The following TENM3 variants were observed in gnomAD, a reference collection of about 807,000 sequenced individuals.
TENM3 encodes the protein teneurin-3.
Under a neutral mutation model 255.1 loss-of-function variants are expected in TENM3, and 63 were observed. The ratio of observed to expected loss-of-function variants is 0.25; its 90% CI spans 0.20 to 0.30. The LOEUF (loss-of-function observed/expected upper bound fraction) is 0.30. Among genes scored for constraint, TENM3 ranks in the 10% least tolerant of loss-of-function variants. TENM3 has a pLI of 1.00. For synonymous variants in TENM3, 1,306 were observed against 1,322.3 expected (o/e 0.99, Z 0.27); for missense variants, 2,929 against 3,461.1 (o/e 0.85, Z 3.86).
At chr4:182,223,561 G>A (rs1166693912) in intron 1 of TENM3, among the ~76,000 whole-genome samples, 3 of 152,082 alleles carry the variant, frequency 2.0e-5, no homozygotes, top group Non-Finnish European at 4.4e-5. Flanking sequence ...CACACCTAAT[G>A]TGACCTCATT....
chr4:182,232,198 C>T (rs1418159670), intron 1 of TENM3, among the ~76,000 whole-genome samples: 4 of 152,060 alleles, frequency 2.6e-5, no homozygotes, highest in Non-Finnish European at 5.9e-5. Flanking sequence ...TGAAAGGGCT[C>T]GGATTTCACT....
intron 11 of TENM3, among the ~76,000 whole-genome samples, chr4:182,684,229 G>A (rs190891508): frequency 5.1e-4 from 77 of 151,238 alleles, no homozygotes; most frequent in Non-Finnish European, 9.6e-4. Flanking sequence ...CAGAAGAAAG[G>A]AGAAAGCAAA....
At chr4:182,518,341 T>C (rs1387568793) in intron 3 of TENM3, among the ~76,000 whole-genome samples, 1 of 152,152 alleles carries the variant, frequency 6.6e-6, no homozygotes, top group African/African-American at 2.4e-5. Flanking sequence ...TGATGGAATA[T>C]CACTCCAGTG....
chr4:181,504,293 C>A, the TENM3 span, among the ~76,000 whole-genome samples: 1 of 152,186 alleles, frequency 6.6e-6, no homozygotes. Context: ...CCACAGCTCA[C>A]GCTTGTCTCT....
chr4:181,517,293 CT>C, the TENM3 span, among the ~76,000 whole-genome samples: 1 of 152,094 alleles, frequency 6.6e-6, no homozygotes, highest in African/African-American at 2.4e-5. Flanking sequence ...AATTTTCAGC[CT>C]CTGGAATGAT....
In TENM3 at chr4:182,792,424, C is replaced by G; in HGVS notation, c.5752C>G (p.Pro1918Ala). ...CTACTACCGCAACATATACAACCCC[C>G]CGGAAAGCAACGCCTCCATCATCAC... ...IGYYRNIYNP[P>A]ESNASIITDY... Residue 1918 changes from proline (P) to alanine (A), a missense_variant, in exon 26 of 28, where the codon CCG becomes GCG. Coordinates refer to ENST00000511685, the MANE Select transcript of TENM3 (RefSeq NM_001080477.4). This position sits in a 1 kb window ranked among gnomAD's most constrained non-coding sequence, Gnocchi z 6.3. 2 of 1,614,048 alleles carry G rather than the reference C, an allele frequency of 1.2e-6. No individual in the cohort carries two copies. Among genetic ancestry groups the G allele is most frequent in the East Asian group, 4.5e-5 (2 of 44,884 alleles).
intron 14 of TENM3, among the ~76,000 whole-genome samples, chr4:182,729,850 A>G (rs1477748008): frequency 6.6e-6 from 1 of 152,222 alleles, no homozygotes; most frequent in Non-Finnish European, 1.5e-5. Flanking sequence ...CTCAGAATTA[A>G]TTGGAAAGTC....
the TENM3 span, among the ~76,000 whole-genome samples, chr4:181,878,763 G>GCATCCATCCATC: frequency 2.6e-5 from 4 of 151,604 alleles, no homozygotes; most frequent in Non-Finnish European, 5.9e-5. Context: ...ATCCATGCGT[G>GCATCCATCCATC]CATCCATCCA....
At chr4:181,775,109 T>C in the TENM3 span, among the ~76,000 whole-genome samples, 2 of 152,098 alleles carry the variant, frequency 1.3e-5, no homozygotes, top group Admixed American at 1.3e-4. Flanking sequence ...GACTAAATAT[T>C]GTCAACTGCA....
At chr4:182,568,599 G>A (rs1315119339) in intron 3 of TENM3, among the ~76,000 whole-genome samples, 9 of 152,138 alleles carry the variant, frequency 5.9e-5, no homozygotes, top group Non-Finnish European at 8.8e-5. Context: ...TTGTTTGGCA[G>A]TTGTCTATAA....
intron 3 of TENM3, 46 bp downstream of exon 3, chr4:182,346,975 G>T (rs1460386866): frequency 4.6e-6 from 6 of 1,310,504 alleles, no homozygotes; most frequent in African/African-American, 1.7e-5. Flanking sequence ...CAGTGCTTCT[G>T]TCTGTTTTGG....
chr4:182,598,477 A>C (rs2175931), intron 3 of TENM3, among the ~76,000 whole-genome samples: 151,113 of 152,296 alleles, frequency 0.99, 74,983 homozygotes, highest in East Asian at 1. Context: ...TAAGGAAAGC[A>C]GCAGCTGCTT....
intron 12 of TENM3, among the ~76,000 whole-genome samples, chr4:182,695,905 C>T (rs1757363239): frequency 6.6e-6 from 1 of 152,098 alleles, no homozygotes; most frequent in South Asian, 2.1e-4. Flanking sequence ...ATCAGAATTC[C>T]TGTGTTTGTA....
At chr4:182,567,286 A>G (rs1460756722) in intron 3 of TENM3, among the ~76,000 whole-genome samples, 66 of 152,040 alleles carry the variant, frequency 4.3e-4, no homozygotes, top group Admixed American at 4.3e-3. Context: ...CTTAGTCACC[A>G]TTGTCTCTCA....
chr4:181,826,576 G>T, the TENM3 span, among the ~76,000 whole-genome samples: 1 of 152,220 alleles, frequency 6.6e-6, no homozygotes, highest in Admixed American at 6.5e-5. Context: ...GAGGCCATCA[G>T]CAAAGTGGCT....
At chr4:182,618,807 T>C (rs1749794875) in intron 4 of TENM3, among the ~76,000 whole-genome samples, 1 of 152,154 alleles carries the variant, frequency 6.6e-6, no homozygotes, top group African/African-American at 2.4e-5. Context: ...GCCTCTTCTT[T>C]GCATCTGCTA....
intron 4 of TENM3, among the ~76,000 whole-genome samples, chr4:182,616,112 G>C (rs987955532): frequency 4.6e-5 from 7 of 152,134 alleles, no homozygotes; most frequent in African/African-American, 1.7e-4. Context: ...GTATGGAATG[G>C]TCTCTCAGTT....
At chr4:181,740,643 T>C in the TENM3 span, among the ~76,000 whole-genome samples, 8 of 149,852 alleles carry the variant, frequency 5.3e-5, no homozygotes, top group Non-Finnish European at 8.9e-5. Flanking sequence ...ATCTTGAAAA[T>C]GATAAAAATT....
At chr4:181,845,738 A>G in the TENM3 span, among the ~76,000 whole-genome samples, 20 of 152,220 alleles carry the variant, frequency 1.3e-4, no homozygotes, top group Admixed American at 1.3e-3. Context: ...GACTTGTAAG[A>G]GCAAGAAATT....
Sources: gnomAD v4.1 joint callset for allele counts (sites outside exome capture counted in the v4.1 genomes callset) on GRCh38, gnomAD v4.1.1 for gene constraint, Gnocchi (gnomAD v3.1) non-coding constraint, MANE v1.5 for transcripts, NCBI Gene and HGNC (gene_info 2026-07-23, HGNC 2026-07-21) for gene names.